GABRB2: variants seen among roughly 807,000 people sequenced by gnomAD.
The protein encoded by GABRB2 is gamma-aminobutyric acid type A receptor subunit beta2, also known as gamma-aminobutyric acid receptor subunit beta-2.
A neutral mutation model predicts 54.7 loss-of-function variants in GABRB2; 16 were observed. The observed-to-expected ratio is 0.29, with a 90% CI of 0.20 to 0.44. The LOEUF (loss-of-function observed/expected upper bound fraction) is 0.44. GABRB2 is among the 20% of genes least tolerant of loss of function. The probability of loss-of-function intolerance (pLI) is 1.00; values close to 1 mark genes in which losing one functional copy is unlikely to be tolerated. For missense variants in GABRB2, 355 were observed against 644.0 expected (o/e 0.55, Z 4.86); for synonymous variants, 244 against 233.8 (o/e 1.04, Z -0.40).
At chr5:161,337,042 C>G (rs1302412277) in intron 5 of GABRB2, among the ~76,000 whole-genome samples, 3 of 152,018 alleles carry the variant, frequency 2.0e-5, no homozygotes, top group Non-Finnish European at 4.4e-5. Context: ...TCTCTTGCAA[C>G]TAGGAATAGT....
intron 4 of GABRB2, among the ~76,000 whole-genome samples, chr5:161,443,405 A>C (rs1757521868): frequency 6.6e-6 from 1 of 152,204 alleles, no homozygotes; most frequent in Non-Finnish European, 1.5e-5. Context: ...GGATACTAAA[A>C]AATCAAAATC....
At chr5:161,331,178 C>G (rs1753827081) in intron 7 of GABRB2, 51 bp from the exon 8 acceptor site, 1 of 1,499,290 alleles carries the variant, frequency 6.7e-7, no homozygotes, top group Non-Finnish European at 8.9e-7. Flanking sequence ...CTCTTTTCTT[C>G]TTTCTTAATA....
chr5:161,369,940 T>C (rs1755084100), intron 5 of GABRB2, among the ~76,000 whole-genome samples: 1 of 152,098 alleles, frequency 6.6e-6, no homozygotes, highest in African/African-American at 2.4e-5. Context: ...CAAAATAAAT[T>C]AAATTGTCTC....
chr5:161,515,215 CA>C (rs1759900464), intron 3 of GABRB2, among the ~76,000 whole-genome samples: 2 of 151,960 alleles, frequency 1.3e-5, no homozygotes, highest in Non-Finnish European at 2.9e-5. Flanking sequence ...TTAAAATCTT[CA>C]AGTTTTTCTG....
At chr5:161,419,914 C>A (rs1756799653) in intron 4 of GABRB2, among the ~76,000 whole-genome samples, 1 of 152,010 alleles carries the variant, frequency 6.6e-6, no homozygotes, top group African/African-American at 2.4e-5. Flanking sequence ...CACCATTATG[C>A]AATATATCCA....
intron 3 of GABRB2, among the ~76,000 whole-genome samples, chr5:161,501,870 C>T (rs1759455725): frequency 6.7e-6 from 1 of 148,316 alleles, no homozygotes; most frequent in East Asian, 2.0e-4. Flanking sequence ...AGTTAAATAA[C>T]CTAAAATATA....
chr5:161,395,090 T>A lies in GABRB2; in HGVS notation c.541+15885A>T, dbSNP rs140773478. Among the ~76,000 whole-genome samples the A allele has an allele frequency of 3.2e-3, 488 of 152,264 alleles. 1 individual carries two copies. Among genetic ancestry groups the A allele is most frequent in the African/African-American group, 0.01 (434 of 41,582 alleles). ...AATAATATAACCCATCATATTAGCA[T>A]AATGAAGAAGAAAGGATATGATCAT... On this transcript the variant is annotated intron_variant, in intron 5 of 9. Coordinates refer to ENST00000393959, the MANE Select transcript of GABRB2 (RefSeq NM_001371727.1).
chr5:161,386,984 T>G (rs1349082984), intron 5 of GABRB2, among the ~76,000 whole-genome samples: 2 of 151,956 alleles, frequency 1.3e-5, no homozygotes, highest in Non-Finnish European at 2.9e-5. Flanking sequence ...GCATAGAATA[T>G]AGTTCTAAAG....
At chr5:161,405,849 C>A (rs890517084) in intron 5 of GABRB2, among the ~76,000 whole-genome samples, 1 of 151,984 alleles carries the variant, frequency 6.6e-6, no homozygotes, top group African/African-American at 2.4e-5. Context: ...CTGACCCCTT[C>A]GACAAGGATG....
chr5:161,465,391 C>CCT, intron 3 of GABRB2, among the ~76,000 whole-genome samples: 2 of 152,202 alleles, frequency 1.3e-5, no homozygotes, highest in Middle Eastern at 3.4e-3. Context: ...CAACAATGCA[C>CCT]TTAGAGTAGG....
chr5:161,380,629 GT>G (rs1156870391), intron 5 of GABRB2, among the ~76,000 whole-genome samples: 2 of 151,368 alleles, frequency 1.3e-5, no homozygotes, highest in Admixed American at 6.6e-5. Context: ...CAATGCTCTT[GT>G]GAAAAAAAAA....
rs1014509353 is a variant in GABRB2 at position 161,291,772 on chromosome 5, G to T, written c.*2309C>A. On this transcript the variant is annotated 3_prime_UTR_variant, in exon 10 of 10. Transcript: ENST00000393959. ...GCTTGTACAGTGATTGCACATAAGA[G>T]CCCACTTCTACACTTGGGCTCTGAG... 11 of 152,482 alleles carry T rather than the reference G, an allele frequency of 7.2e-5. No homozygotes were observed. The highest frequency in any genetic ancestry group is 2.4e-4 in the African/African-American group (10 of 41,388). The allele number at this position is 152,482 out of a possible 1,614,324, so 9.4% of individuals were successfully genotyped here.
chr5:161,490,561 A>T (rs1581029620), intron 3 of GABRB2, among the ~76,000 whole-genome samples: 1 of 151,718 alleles, frequency 6.6e-6, no homozygotes, highest in East Asian at 1.9e-4. Flanking sequence ...AGCACAGCAG[A>T]AGTGCTCATA....
intron 9 of GABRB2, among the ~76,000 whole-genome samples, chr5:161,295,400 T>A (rs1237572467): frequency 1.3e-5 from 2 of 152,232 alleles, no homozygotes; most frequent in Non-Finnish European, 2.9e-5. Context: ...TATGCCTTAT[T>A]TTTAAGAGGC....
intron 9 of GABRB2, among the ~76,000 whole-genome samples, chr5:161,308,025 AT>A (rs1159851121): frequency 6.6e-6 from 1 of 150,448 alleles, no homozygotes; most frequent in African/African-American, 2.4e-5. Flanking sequence ...CACCCGGCTA[AT>A]TTTTTTTTGT....
At chr5:161,432,693 G>C (rs540255247) in intron 4 of GABRB2, among the ~76,000 whole-genome samples, 3 of 152,198 alleles carry the variant, frequency 2.0e-5, no homozygotes, top group East Asian at 3.9e-4. Context: ...AACTAGATGA[G>C]TGTAGGGCCC....
chr5:161,490,679 G>T (rs1243489703), intron 3 of GABRB2, among the ~76,000 whole-genome samples: 1 of 151,624 alleles, frequency 6.6e-6, no homozygotes, highest in African/African-American at 2.4e-5. Flanking sequence ...TGAGTAACTT[G>T]ATAGAAATTT....
intron 5 of GABRB2, among the ~76,000 whole-genome samples, chr5:161,340,888 TAAG>T (rs1277442135): frequency 6.6e-6 from 1 of 152,050 alleles, no homozygotes; most frequent in Non-Finnish European, 1.5e-5. Flanking sequence ...AAATTGCTAA[TAAG>T]AAGTTTCAAA....
intron 3 of GABRB2, among the ~76,000 whole-genome samples, chr5:161,494,799 T>A (rs1759180870): frequency 6.6e-6 from 1 of 151,846 alleles, no homozygotes; most frequent in Non-Finnish European, 1.5e-5. Context: ...TTGATGTTTT[T>A]AATTGTATTT....
Sources: gnomAD v4.1 joint callset for allele counts (sites outside exome capture counted in the v4.1 genomes callset) on GRCh38, gnomAD v4.1.1 for gene constraint, MANE v1.5 for transcripts, NCBI Gene and HGNC (gene_info 2026-07-23, HGNC 2026-07-21) for gene names.